Variants in TRHDE observed in about 807,000 individuals in gnomAD.
TRHDE encodes the protein thyrotropin releasing hormone degrading enzyme, also known as thyrotropin-releasing hormone-degrading ectoenzyme.
TRHDE carries 72 observed loss-of-function variants against 125.7 expected under a neutral mutation model. The ratio of observed to expected loss-of-function variants is 0.57; its 90% CI spans 0.47 to 0.70. TRHDE has a LOEUF of 0.70. Among genes scored for constraint, TRHDE ranks in the 30% least tolerant of loss-of-function variants. The probability of loss-of-function intolerance (pLI) is 0.00; values close to 1 mark genes in which losing one functional copy is unlikely to be tolerated. For missense variants in TRHDE, 1,110 were observed against 1,327.1 expected, an observed-to-expected ratio of 0.84 and a Z score of 2.54; for synonymous variants, 509 against 509.1, an observed-to-expected ratio of 1.00 and a Z score of 0.00.
intron 2 of TRHDE, among the ~76,000 whole-genome samples, chr12:72,345,831 C>G (rs1870304138): frequency 6.6e-6 from 1 of 151,864 alleles, no homozygotes; most frequent in Admixed American, 6.6e-5. Flanking sequence ...ACCCTGTTTC[C>G]TCACAGAAAA....
At chr12:72,529,993 A>T (rs1868459971) in intron 6 of TRHDE, among the ~76,000 whole-genome samples, 1 of 152,168 alleles carries the variant, frequency 6.6e-6, no homozygotes, top group African/African-American at 2.4e-5. Context: ...ACTATGATAT[A>T]GGCCAATGCC....
chr12:72,322,881 T>C (rs914218748), intron 2 of TRHDE, among the ~76,000 whole-genome samples: 12 of 152,264 alleles, frequency 7.9e-5, no homozygotes, highest in Middle Eastern at 3.4e-3. Context: ...TGCAGAAGCC[T>C]GGCTGGGGAC....
intron 12 of TRHDE, among the ~76,000 whole-genome samples, chr12:72,581,729 C>T (rs1054144934): frequency 2.0e-5 from 3 of 151,824 alleles, no homozygotes; most frequent in Non-Finnish European, 2.9e-5. Context: ...AGAAATAAGA[C>T]GTTACTTTTT....
intron 2 of TRHDE, among the ~76,000 whole-genome samples, chr12:72,373,653 G>T (rs1182072168): frequency 6.6e-6 from 1 of 152,186 alleles, no homozygotes; most frequent in East Asian, 1.9e-4. Flanking sequence ...GGGTCAGAGG[G>T]AAGGATTTTC....
At chr12:72,140,688 G>A (rs924687077) in intron 2 of TRHDE, among the ~76,000 whole-genome samples, 2 of 152,176 alleles carry the variant, frequency 1.3e-5, no homozygotes, top group African/African-American at 2.4e-5. Context: ...GCCATAATAT[G>A]AGTGGCAGAG....
chr12:72,383,052 T>G (rs1872256660), intron 3 of TRHDE, among the ~76,000 whole-genome samples: 1 of 152,204 alleles, frequency 6.6e-6, no homozygotes. Context: ...GTGCACGCTG[T>G]GTGAAAATTT....
intron 2 of TRHDE, among the ~76,000 whole-genome samples, chr12:72,340,228 A>T (rs1870020460): frequency 6.6e-6 from 1 of 152,244 alleles, no homozygotes; most frequent in South Asian, 2.1e-4. Flanking sequence ...TGTGTGTAGA[A>T]GTTAGCTGTT....
At chr12:72,299,967 G>T (rs1032214455) in intron 2 of TRHDE, among the ~76,000 whole-genome samples, 2 of 152,140 alleles carry the variant, frequency 1.3e-5, no homozygotes, top group Non-Finnish European at 2.9e-5. Context: ...TGGGTGAAAG[G>T]CAAATTTGAG....
At chr12:72,409,111 C>T (rs2135812103) in intron 3 of TRHDE, among the ~76,000 whole-genome samples, 1 of 152,150 alleles carries the variant, frequency 6.6e-6, no homozygotes, top group East Asian at 1.9e-4. Context: ...ATCAGTGCAC[C>T]ACATACAAGT....
chr12:72,357,374 C>T (rs1870871064), intron 2 of TRHDE, among the ~76,000 whole-genome samples: 1 of 151,488 alleles, frequency 6.6e-6, no homozygotes, highest in South Asian at 2.1e-4. Flanking sequence ...TCATTTTTCT[C>T]CCCTACCTCA....
At chr12:72,623,747 A>T (rs939452254) in intron 15 of TRHDE, among the ~76,000 whole-genome samples, 2 of 152,156 alleles carry the variant, frequency 1.3e-5, no homozygotes, top group Middle Eastern at 3.4e-3. Context: ...AGTGGTAGGT[A>T]TCTATCTATG....
At chr12:72,483,858 A>G (rs1877286945) in intron 5 of TRHDE, among the ~76,000 whole-genome samples, 2 of 152,052 alleles carry the variant, frequency 1.3e-5, no homozygotes, top group Non-Finnish European at 2.9e-5. Flanking sequence ...TTCATATCAC[A>G]TTGAAAGTAA....
intron 12 of TRHDE, among the ~76,000 whole-genome samples, chr12:72,590,750 A>G (rs915270556): frequency 6.6e-6 from 1 of 152,182 alleles, no homozygotes; most frequent in African/African-American, 2.4e-5. Flanking sequence ...TATAATTTAA[A>G]AAATTTTTAT....
In TRHDE at chr12:72,614,369, G is replaced by A. The variant is rs2136072322; in HGVS notation, c.2322-4522G>A. Among the ~76,000 whole-genome samples the A allele has an allele frequency of 1.4e-5, 2 of 142,046 alleles. 1 individual carries two copies. The highest frequency in any genetic ancestry group is 5.4e-5 in the African/African-American group (2 of 36,912). The allele number at this position is 142,046 out of a possible 152,430, so 93.2% of individuals were successfully genotyped here. ...TAGAAACTGATCAAATTAGCTGTTG[G>A]TTGACAGAGAGACTTCCCTGTGTTT... On this transcript the variant is annotated intron_variant, in intron 12 of 18. Coordinates refer to ENST00000261180, the MANE Select transcript of TRHDE (RefSeq NM_013381.3).
chr12:72,273,713 CG>C lies in TRHDE; in HGVS notation c.914+160del. ...AAGCGGAGTAGGGCAGTCAGAACTC[CG>C]GGGTCTCCCAGATGCCTCGGGGTCT... is the stretch of plus-strand genomic sequence containing the variant. On this transcript the variant is annotated intron_variant, in intron 1 of 18. Coordinates refer to ENST00000261180, the MANE Select transcript of TRHDE (RefSeq NM_013381.3). This position sits in a 1 kb window ranked among gnomAD's most constrained non-coding sequence, Gnocchi z 5.3. The C allele has an allele frequency of 1.5e-6, 1 of 671,404 alleles. No individual in the cohort carries two copies. The allele number at this position is 671,404 out of a possible 1,614,324, so 41.6% of individuals were successfully genotyped here. A position where few individuals can be genotyped will look rare whatever the true frequency, so the allele number is the denominator to read the frequency against.
chr12:72,248,505 T>C (rs1043259254), intron 2 of TRHDE, among the ~76,000 whole-genome samples: 1 of 52,812 alleles, frequency 1.9e-5, no homozygotes, highest in Non-Finnish European at 6.0e-5. Flanking sequence ...CAAATGCTTT[T>C]CCTGATTGTG....
chr12:72,200,135 G>C (rs956123980), intron 2 of TRHDE, among the ~76,000 whole-genome samples: 5 of 152,158 alleles, frequency 3.3e-5, no homozygotes, highest in African/African-American at 1.2e-4. Context: ...CATATTGATG[G>C]ATGGAGATTT....
Position 72,332,818 on chromosome 12 carries a change from G to A in TRHDE, c.1189-45177G>A, listed in dbSNP as rs147463935. ...CAGCATCAGTATTGGGCATCATCTC[G>A]GAGTTTGTTAGAAATGCAGAATCTC... On this transcript the variant is annotated intron_variant, in intron 2 of 18. Coordinates refer to ENST00000261180, the MANE Select transcript of TRHDE (RefSeq NM_013381.3). 5.2e-3 allele frequency among the ~76,000 whole-genome samples: 798 copies of A among 152,274 alleles called. 6 individuals are homozygous for A. The highest frequency in any genetic ancestry group is 8.7e-3 in the Non-Finnish European group (589 of 68,014).
At chr12:72,403,086 T>C (rs1873114405) in intron 3 of TRHDE, among the ~76,000 whole-genome samples, 1 of 152,190 alleles carries the variant, frequency 6.6e-6, no homozygotes, top group African/African-American at 2.4e-5. Flanking sequence ...AGGTGACTAA[T>C]GTATAATAAC....
Sources: allele counts gnomAD v4.1 joint callset (sites outside exome capture counted in the v4.1 genomes callset), GRCh38; gene constraint gnomAD v4.1.1; non-coding constraint Gnocchi (gnomAD v3.1); transcripts MANE v1.5; gene names NCBI Gene and HGNC (gene_info 2026-07-23, HGNC 2026-07-21).